Variants in EFCAB11 observed in about 807,000 individuals in gnomAD.
The protein encoded by EFCAB11 is EF-hand calcium binding domain 11.
EFCAB11 carries 14 observed loss-of-function variants against 23.0 expected under a neutral mutation model. That is an observed-to-expected ratio of 0.61 (90% CI 0.40 to 0.95). EFCAB11 has a LOEUF of 0.95. Among genes scored for constraint, EFCAB11 ranks in the 40% least tolerant of loss-of-function variants. The pLI is 0.00. For synonymous variants in EFCAB11, 65 were observed against 66.6 expected, an observed-to-expected ratio of 0.98 and a Z score of 0.11; for missense variants, 198 against 195.8, an observed-to-expected ratio of 1.01 and a Z score of -0.07.
chr14:89,813,965 T>C (rs888975257), intron 5 of EFCAB11, among the ~76,000 whole-genome samples: 19 of 151,994 alleles, frequency 1.3e-4, no homozygotes, highest in Admixed American at 5.9e-4. Flanking sequence ...CGGCTGCTGC[T>C]CTCTTTCAGT....
chr14:89,906,215 A>AT (rs1566805417), intron 5 of EFCAB11, among the ~76,000 whole-genome samples: 10 of 151,034 alleles, frequency 6.6e-5, no homozygotes, highest in African/African-American at 2.2e-4. Flanking sequence ...AAATAAATAA[A>AT]TAAATTAAAG....
intron 5 of EFCAB11, among the ~76,000 whole-genome samples, chr14:89,889,554 C>T (rs1888897867): frequency 6.6e-6 from 1 of 152,198 alleles, no homozygotes; most frequent in South Asian, 2.1e-4. Context: ...CAAGCCTGGC[C>T]CTTGACTGGC....
At chr14:89,816,790 T>A (rs1017707547) in intron 5 of EFCAB11, among the ~76,000 whole-genome samples, 2 of 152,190 alleles carry the variant, frequency 1.3e-5, no homozygotes, top group African/African-American at 4.8e-5. Context: ...TGCGATTATG[T>A]AACCCAGAAA....
intron 5 of EFCAB11, among the ~76,000 whole-genome samples, chr14:89,887,606 A>C (rs1293643900): frequency 6.6e-6 from 1 of 152,260 alleles, no homozygotes; most frequent in Non-Finnish European, 1.5e-5. Context: ...AGTAACACTG[A>C]AAATAAATAA....
At chr14:89,862,120 T>C (rs1448767395) in intron 5 of EFCAB11, among the ~76,000 whole-genome samples, 1 of 152,138 alleles carries the variant, frequency 6.6e-6, no homozygotes, top group Non-Finnish European at 1.5e-5. Context: ...ATAGAAACCA[T>C]GGTATTGCGG....
chr14:89,879,774 G>C (rs999032313), intron 5 of EFCAB11, among the ~76,000 whole-genome samples: 1 of 152,108 alleles, frequency 6.6e-6, no homozygotes, highest in Non-Finnish European at 1.5e-5. Context: ...GATGGTTTAT[G>C]ATTCAAGATT....
At chr14:89,843,111 C>T (rs1465860360) in intron 5 of EFCAB11, among the ~76,000 whole-genome samples, 1 of 152,114 alleles carries the variant, frequency 6.6e-6, no homozygotes, top group African/African-American at 2.4e-5. Flanking sequence ...TCTACACCAG[C>T]CCAAGCCCAC....
chr14:89,902,475 C>T (rs1889370859), intron 5 of EFCAB11, among the ~76,000 whole-genome samples: 1 of 152,064 alleles, frequency 6.6e-6, no homozygotes, highest in Admixed American at 6.6e-5. Context: ...CCAGAATGGC[C>T]CCTGGTGTAC....
chr14:89,871,959 AT>A (rs1334436356), intron 5 of EFCAB11, among the ~76,000 whole-genome samples: 3 of 152,200 alleles, frequency 2.0e-5, no homozygotes, highest in African/African-American at 7.2e-5. Context: ...CTGCAGCCCT[AT>A]GACGGGGCTC....
At chr14:89,859,746 G>C (rs1475037816) in intron 5 of EFCAB11, among the ~76,000 whole-genome samples, 1 of 152,102 alleles carries the variant, frequency 6.6e-6, no homozygotes, top group Non-Finnish European at 1.5e-5. Flanking sequence ...GAAGGGAGAA[G>C]TAAGGCTGTT....
At chr14:89,808,368 T>C (rs765349853) in intron 5 of EFCAB11, among the ~76,000 whole-genome samples, 2 of 152,236 alleles carry the variant, frequency 1.3e-5, no homozygotes, top group African/African-American at 2.4e-5. Flanking sequence ...ATTTACTGTA[T>C]AGATCTTGGT....
chr14:89,816,483 C>G (rs916034390), intron 5 of EFCAB11, among the ~76,000 whole-genome samples: 12 of 152,146 alleles, frequency 7.9e-5, no homozygotes, highest in African/African-American at 2.9e-4. Context: ...ACAGTTAATT[C>G]ACTCCTAGCA....
intron 5 of EFCAB11, among the ~76,000 whole-genome samples, chr14:89,906,609 T>C (rs1235897312): frequency 2.6e-5 from 4 of 152,146 alleles, no homozygotes; most frequent in Admixed American, 6.5e-5. Flanking sequence ...GACAGAAAAT[T>C]GTGTGTGATT....
At chr14:89,863,812 A>C (rs1240205895) in intron 5 of EFCAB11, among the ~76,000 whole-genome samples, 1 of 152,256 alleles carries the variant, frequency 6.6e-6, no homozygotes, top group Admixed American at 6.5e-5. Flanking sequence ...CCTGATTTTG[A>C]AGTATTTCTG....
intron 5 of EFCAB11, among the ~76,000 whole-genome samples, chr14:89,800,337 A>G (rs1193676462): frequency 1.3e-5 from 2 of 152,222 alleles, no homozygotes. Flanking sequence ...AGAGGAGACC[A>G]CATGAGAGAC....
At chr14:89,919,870 A>G (rs1889968718) in intron 5 of EFCAB11, among the ~76,000 whole-genome samples, 1 of 152,178 alleles carries the variant, frequency 6.6e-6, no homozygotes, top group South Asian at 2.1e-4. Context: ...GCAGGTTGCA[A>G]CCAAGGAGAG....
At chr14:89,906,926 T>C (rs1889518137) in intron 5 of EFCAB11, among the ~76,000 whole-genome samples, 1 of 152,264 alleles carries the variant, frequency 6.6e-6, no homozygotes, top group Non-Finnish European at 1.5e-5. Context: ...CTTCTCTATT[T>C]CTTACCATTA....
intron 5 of EFCAB11, among the ~76,000 whole-genome samples, chr14:89,918,549 AAAG>A (rs530086656): frequency 0.011 from 1,650 of 151,728 alleles, 17 homozygotes; most frequent in Non-Finnish European, 0.013. Context: ...AAAAAAAAAA[AAAG>A]AAGAAGAAGA....
At chr14:89,822,665 G>A (rs1259793179) in intron 5 of EFCAB11, among the ~76,000 whole-genome samples, 1 of 152,150 alleles carries the variant, frequency 6.6e-6, no homozygotes, top group Non-Finnish European at 1.5e-5. Flanking sequence ...AAACCCATGG[G>A]AAAAGAACTT....
Sources: gnomAD v4.1 joint callset for allele counts (sites outside exome capture counted in the v4.1 genomes callset) on GRCh38, gnomAD v4.1.1 for gene constraint, MANE v1.5 for transcripts, NCBI Gene and HGNC (gene_info 2026-07-23, HGNC 2026-07-21) for gene names.